Variants in APBB2 observed in about 807,000 individuals in gnomAD.
The protein encoded by APBB2 is amyloid beta precursor protein binding family B member 2.
Under a neutral mutation model 82.5 loss-of-function variants are expected in APBB2, and 38 were observed. The observed-to-expected ratio is 0.46, with a 90% CI of 0.36 to 0.60. The LOEUF (loss-of-function observed/expected upper bound fraction) is 0.60, where lower values mean the gene tolerates loss of function less well. APBB2 is among the 20% of genes least tolerant of loss of function. The pLI is 0.00. For synonymous variants in APBB2, 341 were observed against 368.2 expected (o/e 0.93, Z 0.85); for missense variants, 772 against 972.3 (o/e 0.79, Z 2.74).
chr4:41,153,832 T>G (rs1003894040), intron 1 of APBB2, among the ~76,000 whole-genome samples: 4 of 152,188 alleles, frequency 2.6e-5, no homozygotes, highest in Non-Finnish European at 5.9e-5. Context: ...TAAATTAATA[T>G]TAATTTGAAT....
At chr4:40,890,553 T>A (rs1009648264) in intron 11 of APBB2, 62 bp from the exon 12 acceptor site, 13 of 1,587,950 alleles carry the variant, frequency 8.2e-6, no homozygotes, top group Non-Finnish European at 1.1e-5. Flanking sequence ...TAATCGTGTG[T>A]GTGGCCATCT....
chr4:41,149,419 T>C (rs1169751543), intron 1 of APBB2, among the ~76,000 whole-genome samples: 2 of 152,058 alleles, frequency 1.3e-5, no homozygotes, highest in African/African-American at 2.4e-5. Context: ...ATGCAGGACA[T>C]GTCAGCCCTG....
At chr4:40,900,402 G>A (rs1774930745) in intron 10 of APBB2, among the ~76,000 whole-genome samples, 1 of 151,096 alleles carries the variant, frequency 6.6e-6, no homozygotes, top group Non-Finnish European at 1.5e-5. Context: ...CACGGACCAT[G>A]AATGAAGGAT....
At chr4:40,917,363 C>T (rs1254382078) in intron 10 of APBB2, among the ~76,000 whole-genome samples, 1 of 152,130 alleles carries the variant, frequency 6.6e-6, no homozygotes, top group Non-Finnish European at 1.5e-5. Context: ...CCCAAGGTCT[C>T]CCGGGCTGGA....
At chr4:40,820,619 C>T (rs188139332) in intron 17 of APBB2, among the ~76,000 whole-genome samples, 7 of 152,060 alleles carry the variant, frequency 4.6e-5, no homozygotes, top group East Asian at 2.0e-4. Context: ...GAGCTGAGAT[C>T]GCGCCATTGC....
intron 1 of APBB2, among the ~76,000 whole-genome samples, chr4:41,152,072 T>G (rs1411292575): frequency 6.6e-6 from 1 of 152,052 alleles, no homozygotes; most frequent in African/African-American, 2.4e-5. Context: ...TTCTTCAAAC[T>G]TTTTTTCTAG....
chr4:40,912,569 T>C lies in APBB2; in HGVS notation c.1255-19158A>G, dbSNP rs940533729. 1.3e-4 allele frequency among the ~76,000 whole-genome samples: 19 copies of C among 145,436 alleles called. 1 individual carries two copies. In the South Asian group the frequency reaches 1.9e-3, roughly 15 times the overall value. ...TCCAGCCTGGCTGACAGAGCAAGAT[T>C]CCTTCTCATAAAAAAAAAAAAAAAG... On this transcript the variant is annotated intron_variant, in intron 10 of 17. Transcript: ENST00000508593.
intron 4 of APBB2, among the ~76,000 whole-genome samples, chr4:41,036,098 C>T (rs1328370122): frequency 6.6e-6 from 1 of 152,108 alleles, no homozygotes; most frequent in Non-Finnish European, 1.5e-5. Flanking sequence ...GTTAAGGCTG[C>T]AGTGAGCTAT....
intron 10 of APBB2, among the ~76,000 whole-genome samples, chr4:40,931,523 G>C (rs570971284): frequency 6.6e-6 from 1 of 152,162 alleles, no homozygotes; most frequent in Non-Finnish European, 1.5e-5. Flanking sequence ...TGAGATTACA[G>C]GCACAAGCCA....
intron 12 of APBB2, among the ~76,000 whole-genome samples, chr4:40,839,982 T>A (rs1052008317): frequency 1.3e-5 from 2 of 152,202 alleles, no homozygotes; most frequent in Non-Finnish European, 1.5e-5. Context: ...GGGTGTTTTT[T>A]AATAAATATT....
intron 12 of APBB2, among the ~76,000 whole-genome samples, chr4:40,838,440 A>G (rs1754753829): frequency 6.6e-6 from 1 of 151,114 alleles, no homozygotes; most frequent in Non-Finnish European, 1.5e-5. Context: ...GGTTCAAGCA[A>G]TTCTCCTGCC....
chr4:40,870,017 T>C (rs1174349175), intron 12 of APBB2, among the ~76,000 whole-genome samples: 1 of 151,888 alleles, frequency 6.6e-6, no homozygotes, highest in Non-Finnish European at 1.5e-5. Flanking sequence ...AGAAAAAACA[T>C]TCAAGTGTCT....
At chr4:40,889,715 C>T (rs551248117) in intron 12 of APBB2, among the ~76,000 whole-genome samples, 21 of 152,300 alleles carry the variant, frequency 1.4e-4, no homozygotes, top group African/African-American at 4.3e-4. Flanking sequence ...AATCGGAACT[C>T]GTTTCCAATC....
chr4:41,181,883 T>C (rs2154064085), intron 1 of APBB2, among the ~76,000 whole-genome samples: 1 of 148,966 alleles, frequency 6.7e-6, no homozygotes, highest in Non-Finnish European at 1.5e-5. Context: ...GAGGTGGAGA[T>C]TGCGGTGAGT....
intron 4 of APBB2, among the ~76,000 whole-genome samples, chr4:41,040,319 G>A (rs184014181): frequency 2.6e-5 from 4 of 152,158 alleles, no homozygotes; most frequent in Admixed American, 6.5e-5. Flanking sequence ...ATTTTCCCCC[G>A]GAGAACTAAG....
At chr4:41,194,154 A>AAAAAAC in intron 1 of APBB2, 1 of 152,046 alleles carries the variant, frequency 6.6e-6, no homozygotes, top group African/African-American at 2.4e-5. Context: ...CTCTACAAAA[A>AAAAAAC]AAAAAAAAAT....
intron 6 of APBB2, among the ~76,000 whole-genome samples, chr4:40,987,430 C>A (rs1256904625): frequency 6.6e-6 from 1 of 152,090 alleles, no homozygotes; most frequent in African/African-American, 2.4e-5. Context: ...TTATACTGAA[C>A]CTATTCTTCA....
intron 1 of APBB2, among the ~76,000 whole-genome samples, chr4:41,189,681 G>A (rs1773872249): frequency 6.6e-6 from 1 of 152,294 alleles, no homozygotes; most frequent in South Asian, 2.1e-4. Flanking sequence ...TCTCTCTCCT[G>A]AGGAAGTCAT....
chr4:41,182,823 C>T (rs1771793403), intron 1 of APBB2, among the ~76,000 whole-genome samples: 1 of 152,132 alleles, frequency 6.6e-6, no homozygotes, highest in Non-Finnish European at 1.5e-5. Flanking sequence ...TCACTGACTA[C>T]CATTAGAACA....
Sources: allele counts gnomAD v4.1 joint callset (sites outside exome capture counted in the v4.1 genomes callset), GRCh38; gene constraint gnomAD v4.1.1; transcripts MANE v1.5; gene names NCBI Gene and HGNC (gene_info 2026-07-23, HGNC 2026-07-21).